The following GALNT13 variants were observed in gnomAD, a reference collection of about 807,000 sequenced individuals.
GALNT13 encodes polypeptide N-acetylgalactosaminyltransferase 13, also known as UDP-GalNAc:polypeptide N-acetylgalactosaminyltransferase 13.
Under a neutral mutation model 64.2 loss-of-function variants are expected in GALNT13, and 28 were observed. That is an observed-to-expected ratio of 0.44 (90% CI 0.32 to 0.60). The LOEUF (loss-of-function observed/expected upper bound fraction) is 0.60. GALNT13 is among the 20% of genes least tolerant of loss of function. The pLI, the probability that GALNT13 is intolerant of heterozygous loss-of-function variation, is 0.05. For synonymous variants in GALNT13, 214 were observed against 224.6 expected, an observed-to-expected ratio of 0.95 and a Z score of 0.42; for missense variants, 577 against 669.8, an observed-to-expected ratio of 0.86 and a Z score of 1.53.
the GALNT13 span, among the ~76,000 whole-genome samples, chr2:153,561,706 C>T: frequency 2.0e-5 from 3 of 148,550 alleles, no homozygotes; most frequent in East Asian, 6.3e-4. Flanking sequence ...GGTAAGACCT[C>T]CAATTTATTG....
At chr2:153,276,331 T>C in the GALNT13 span, among the ~76,000 whole-genome samples, 1 of 152,132 alleles carries the variant, frequency 6.6e-6, no homozygotes, top group Non-Finnish European at 1.5e-5. Context: ...TTTTTCATTT[T>C]ATATAGAAAA....
At chr2:153,813,894 C>T in the GALNT13 span, among the ~76,000 whole-genome samples, 1 of 152,166 alleles carries the variant, frequency 6.6e-6, no homozygotes, top group Admixed American at 6.5e-5. Flanking sequence ...GGATCACTCG[C>T]TCAGCCAAAT....
the GALNT13 span, among the ~76,000 whole-genome samples, chr2:153,189,783 A>C: frequency 6.6e-5 from 10 of 152,100 alleles, no homozygotes; most frequent in Non-Finnish European, 1.3e-4. Context: ...TCTTTTTGAT[A>C]ATAGCTTTTG....
At chr2:154,211,568 C>T (rs950158277) in intron 4 of GALNT13, among the ~76,000 whole-genome samples, 2 of 125,354 alleles carry the variant, frequency 1.6e-5, no homozygotes, top group Non-Finnish European at 3.1e-5. Context: ...GCAGATTTTG[C>T]AGTGAGCCAA....
chr2:153,343,108 T>C, the GALNT13 span, among the ~76,000 whole-genome samples: 7 of 152,272 alleles, frequency 4.6e-5, no homozygotes, highest in East Asian at 1.3e-3. Context: ...TGAATATAAG[T>C]GATGAATGAC....
chr2:154,099,244 T>G (rs528136799), intron 3 of GALNT13, among the ~76,000 whole-genome samples: 32 of 152,284 alleles, frequency 2.1e-4, no homozygotes, highest in African/African-American at 6.7e-4. Flanking sequence ...TTATGTTCTT[T>G]GCCTACTTGT....
chr2:153,158,854 T>G, the GALNT13 span: 1 of 152,264 alleles, frequency 6.6e-6, no homozygotes, highest in African/African-American at 2.4e-5. Flanking sequence ...TTCTTCTACA[T>G]TAACTGAGTT....
At chr2:154,206,143 G>A (rs1276924045) in intron 4 of GALNT13, among the ~76,000 whole-genome samples, 3 of 151,308 alleles carry the variant, frequency 2.0e-5, no homozygotes, top group South Asian at 2.1e-4. Context: ...GATTACAGGC[G>A]CCCGCCACCA....
chr2:154,123,326 A>T (rs377004981), intron 3 of GALNT13, among the ~76,000 whole-genome samples: 65 of 151,990 alleles, frequency 4.3e-4, no homozygotes, highest in African/African-American at 1.5e-3. Context: ...ATAAAGTTAT[A>T]TCTAAAACTG....
the GALNT13 span, among the ~76,000 whole-genome samples, chr2:153,476,583 T>C: frequency 2.0e-5 from 3 of 152,342 alleles, no homozygotes; most frequent in African/African-American, 7.2e-5. Context: ...AACGGCCATC[T>C]GTAGTTCTAC....
rs1417734253 is a variant in GALNT13, at chr2:154,452,475, T to C, written c.*1924T>C. 6.6e-6 allele frequency: 1 copy of C among 152,136 alleles called. No homozygotes were observed. Among genetic ancestry groups the C allele is most frequent in the Non-Finnish European group, 1.5e-5 (1 of 68,020 alleles). The allele number at this position is 152,136 out of a possible 1,614,324, so 9.4% of individuals were successfully genotyped here. ...CATTATTACTTAAGTTGAAAAAGCT[T>C]CAACTCTCAAGGACTCATGTATACC... On this transcript the variant is annotated 3_prime_UTR_variant, in exon 13 of 13. Coordinates refer to ENST00000392825, the MANE Select transcript of GALNT13 (RefSeq NM_052917.4).
the GALNT13 span, among the ~76,000 whole-genome samples, chr2:153,383,601 A>G: frequency 6.6e-6 from 1 of 152,022 alleles, no homozygotes; most frequent in African/African-American, 2.4e-5. Context: ...CAGGCTTATC[A>G]TTGGCTTTCT....
intron 3 of GALNT13, among the ~76,000 whole-genome samples, chr2:154,101,103 T>C (rs1327739758): frequency 2.6e-5 from 4 of 152,128 alleles, no homozygotes; most frequent in African/African-American, 9.7e-5. Flanking sequence ...TAGATTCTGT[T>C]TGCTAGTATT....
chr2:153,886,886 G>A (rs139830467), intron 1 of GALNT13, among the ~76,000 whole-genome samples: 1,550 of 151,514 alleles, frequency 0.01, 17 homozygotes, highest in Middle Eastern at 0.02. Context: ...AGAGATTCAA[G>A]TTAGGAGACA....
At chr2:154,009,422 A>C (rs887220769) in intron 3 of GALNT13, among the ~76,000 whole-genome samples, 3 of 152,072 alleles carry the variant, frequency 2.0e-5, no homozygotes, top group Admixed American at 1.3e-4. Context: ...TACTTTTTAA[A>C]AAAAATTCTG....
intron 11 of GALNT13, among the ~76,000 whole-genome samples, chr2:154,418,976 TA>T (rs1456044335): frequency 6.6e-6 from 1 of 152,128 alleles, no homozygotes; most frequent in African/African-American, 2.4e-5. Flanking sequence ...CAAATTTTTG[TA>T]TTCTCTACCA....
the GALNT13 span, among the ~76,000 whole-genome samples, chr2:153,580,363 T>C: frequency 4.0e-5 from 6 of 150,876 alleles, no homozygotes; most frequent in South Asian, 1.3e-3. Context: ...AAAAAAGTGA[T>C]GCTAAGCCAT....
chr2:154,155,770 C>G (rs1346448849), intron 4 of GALNT13, among the ~76,000 whole-genome samples: 1 of 151,740 alleles, frequency 6.6e-6, no homozygotes, highest in African/African-American at 2.4e-5. Flanking sequence ...TATATTTGGA[C>G]TTTGAATTTT....
At chr2:153,230,170 C>A in the GALNT13 span, among the ~76,000 whole-genome samples, 1 of 152,126 alleles carries the variant, frequency 6.6e-6, no homozygotes, top group East Asian at 1.9e-4. Flanking sequence ...TTCCTCTGTG[C>A]GGAAGATTAG....
Sources: gnomAD v4.1 joint callset for allele counts (sites outside exome capture counted in the v4.1 genomes callset) on GRCh38, gnomAD v4.1.1 for gene constraint, MANE v1.5 for transcripts, NCBI Gene and HGNC (gene_info 2026-07-23, HGNC 2026-07-21) for gene names.